The following NKIRAS1 variants were observed in gnomAD, a reference collection of about 807,000 sequenced individuals.
NKIRAS1 encodes NF-kappa-B inhibitor-interacting Ras-like protein 1.
In NKIRAS1, 16 loss-of-function variants were observed where a neutral mutation model predicts 19.8. The ratio of observed to expected loss-of-function variants is 0.81; its 90% CI spans 0.55 to 1.23. The LOEUF (loss-of-function observed/expected upper bound fraction) is 1.23, where lower values mean the gene tolerates loss of function less well. Among genes scored for constraint, NKIRAS1 ranks in the 50% most tolerant of loss-of-function variants. NKIRAS1 has a pLI of 0.00. For synonymous variants in NKIRAS1, 88 were observed against 79.0 expected, an observed-to-expected ratio of 1.11 and a Z score of -0.61; for missense variants, 184 against 220.0, an observed-to-expected ratio of 0.84 and a Z score of 1.04.
chr3:23,921,328 G>A (rs953970781), upstream of NKIRAS1, among the ~76,000 whole-genome samples: 3 of 152,132 alleles, frequency 2.0e-5, no homozygotes, highest in Admixed American at 6.5e-5. Flanking sequence ...CCTCATGATA[G>A]CTTTCATGAT....
chr3:23,895,069 G>C (rs962289406), intron 4 of NKIRAS1, among the ~76,000 whole-genome samples: 1 of 152,168 alleles, frequency 6.6e-6, no homozygotes, highest in Non-Finnish European at 1.5e-5. Context: ...TAAAGAGACA[G>C]GGTCTCTCTG....
rs1158130725 is a variant in NKIRAS1, at chr3:23,890,450, G to A, written c.*2645C>T. On this transcript the variant is annotated 3_prime_UTR_variant, in exon 5 of 5. Transcript: ENST00000425478. ...GTATCTACCCAAGCTGTCACTATTC[G>A]CTAAAGTTTAAAATGTTCTTTTCCT... 15 of 1,548,770 alleles carry A rather than the reference G, an allele frequency of 9.7e-6. No individual in the cohort carries two copies. The highest frequency in any genetic ancestry group is 2.7e-5 in the African/African-American group (2 of 72,812).
At chr3:23,931,440 C>T (rs1705313751) in intron 1 of NKIRAS1, among the ~76,000 whole-genome samples, 1 of 152,178 alleles carries the variant, frequency 6.6e-6, no homozygotes, top group Non-Finnish European at 1.5e-5. Flanking sequence ...TTTCCTCAAA[C>T]ATCCATTTCT....
chr3:23,909,871 T>TG (rs1478536297), intron 3 of NKIRAS1, among the ~76,000 whole-genome samples: 2 of 150,748 alleles, frequency 1.3e-5, no homozygotes, highest in Non-Finnish European at 3.0e-5. Flanking sequence ...TTTGTTTTTT[T>TG]TTTTTTGAGA....
At chr3:23,940,685 G>A (rs891084636) in intron 1 of NKIRAS1, among the ~76,000 whole-genome samples, 7 of 151,586 alleles carry the variant, frequency 4.6e-5, no homozygotes, top group African/African-American at 1.4e-4. Flanking sequence ...TTATTATTTC[G>A]TTATAACAAA....
intron 1 of NKIRAS1, among the ~76,000 whole-genome samples, chr3:23,925,267 A>G (rs1705193699): frequency 6.6e-6 from 1 of 152,224 alleles, no homozygotes. Flanking sequence ...GAACCAGCGC[A>G]GTCCACACTG....
At chr3:23,920,890 C>A, upstream of NKIRAS1, 2 of 560,320 alleles carry the variant, frequency 3.6e-6, no homozygotes, top group Non-Finnish European at 4.5e-6. Context: ...TGCTAATGTA[C>A]TTTAAAGCAA....
At chr3:23,918,768 T>C (rs1704871698), upstream of NKIRAS1, 3 of 672,262 alleles carry the variant, frequency 4.5e-6, no homozygotes, top group South Asian at 2.1e-5. Context: ...GTGTATATAC[T>C]GGAAGTACTT....
chr3:23,918,262 C>G (rs1575119294), upstream of NKIRAS1: 1 of 905,318 alleles, frequency 1.1e-6, no homozygotes, highest in Non-Finnish European at 1.7e-6. Context: ...CAGTGTGCCT[C>G]CCTGTGTGAG....
intron 4 of NKIRAS1, among the ~76,000 whole-genome samples, chr3:23,897,899 C>T (rs1021917565): frequency 2.6e-5 from 4 of 152,216 alleles, no homozygotes; most frequent in Non-Finnish European, 5.9e-5. Context: ...GTACCTAGAA[C>T]AATGCCTGGC....
chr3:23,919,941 T>A, upstream of NKIRAS1: 1 of 989,496 alleles, frequency 1.0e-6, no homozygotes, highest in Non-Finnish European at 1.2e-6. Flanking sequence ...CTTTAGAAAA[T>A]CTGGGTTAGC....
upstream of NKIRAS1, chr3:23,919,854 A>G: frequency 9.8e-7 from 1 of 1,015,240 alleles, no homozygotes; most frequent in Non-Finnish European, 1.2e-6. Context: ...TATCGGAGTG[A>G]TGGCAATGCT....
At chr3:23,908,657 T>C (rs1006497573) in intron 3 of NKIRAS1, among the ~76,000 whole-genome samples, 5 of 152,096 alleles carry the variant, frequency 3.3e-5, no homozygotes, top group Non-Finnish European at 7.4e-5. Context: ...AAATAAGTAG[T>C]TTACAAATGT....
At chr3:23,939,817 G>T (rs957729115) in intron 1 of NKIRAS1, among the ~76,000 whole-genome samples, 2 of 152,068 alleles carry the variant, frequency 1.3e-5, no homozygotes, top group Non-Finnish European at 2.9e-5. Context: ...GAGATAAGAG[G>T]ATACAAACAA....
rs553532352 is a variant in NKIRAS1, at chr3:23,893,147, C to T, written c.527G>A (p.Ser176Asn). The change falls in exon 5 of 5, where the codon AGC becomes AAC. Residue 176 changes from serine (S) to asparagine (N), a missense_variant. Physicochemically the swap from Ser to Asn is conservative, Grantham distance 46 (BLOSUM62 1). Coordinates refer to ENST00000425478, the MANE Select transcript of NKIRAS1 (RefSeq NM_020345.4). ...SKLSQPQSKS[S>N]FPLPGRKNKG... ...GTTTTTCCTCCCAGGCAAAGGAAAG[C>T]TTGATTTGCTCTGGGGTTGAGAAAG... 27 of 1,594,802 alleles carry T rather than the reference C, an allele frequency of 1.7e-5. No homozygotes were observed. Among genetic ancestry groups the T allele is most frequent in the Non-Finnish European group, 2.3e-5 (27 of 1,172,666 alleles).
chr3:23,919,626 A>G (rs1461145283), upstream of NKIRAS1: 4 of 1,423,786 alleles, frequency 2.8e-6, no homozygotes, highest in Non-Finnish European at 1.8e-6. Flanking sequence ...TCAAATTAAG[A>G]AAGTTAAAGT....
In NKIRAS1 at chr3:23,926,302, T is replaced by C. The variant is rs7629325; in HGVS notation, c.-139-14852A>G. 0.18 allele frequency among the ~76,000 whole-genome samples: 27,064 copies of C among 152,202 alleles called. 2,470 individuals carry two copies. Among genetic ancestry groups the C allele is most frequent in the Non-Finnish European group, 0.2 (13,887 of 67,992 alleles). On this transcript the variant is annotated intron_variant, in intron 1 of 4. Coordinates refer to the NKIRAS1 transcript ENST00000421515. The surrounding 1 kb of genome is among the most constrained non-coding windows in gnomAD (Gnocchi z 4.3). ...CCTGACCTTAGGTGATCCACCTGCC[T>C]TGGACTCCCAAAGTGCTGGGATTAT...
In NKIRAS1 at chr3:23,931,492, C is replaced by T. The variant is rs138274190; in HGVS notation, c.-140+14831G>A. ...GATTCTTTACTTAAATTTAAACATT[C>T]CTCGTCCTTGCCCCTGGCACTTCCT... On this transcript the variant is annotated intron_variant, in intron 1 of 4. Coordinates refer to the NKIRAS1 transcript ENST00000421515. 5.4e-3 allele frequency among the ~76,000 whole-genome samples: 817 copies of T among 152,310 alleles called. 3 individuals carry two copies. The highest frequency in any genetic ancestry group is 0.014 in the South Asian group (69 of 4,828).
chr3:23,901,074 C>A (rs1238136897), intron 3 of NKIRAS1, 25 bp from the exon 4 acceptor site: 2 of 1,610,460 alleles, frequency 1.2e-6, no homozygotes, highest in African/African-American at 2.7e-5. Flanking sequence ...ACAAATTACT[C>A]TTTTTGGCTA....
Sources: gnomAD v4.1 joint callset for allele counts (sites outside exome capture counted in the v4.1 genomes callset) on GRCh38, gnomAD v4.1.1 for gene constraint, Gnocchi (gnomAD v3.1) non-coding constraint, MANE v1.5 for transcripts, NCBI Gene and HGNC (gene_info 2026-07-23, HGNC 2026-07-21) for gene names.